PTPRT: variants seen among roughly 807,000 people sequenced by gnomAD.
PTPRT encodes the protein protein tyrosine phosphatase receptor type T.
In PTPRT, 56 loss-of-function variants were observed where a neutral mutation model predicts 176.8. The observed-to-expected ratio is 0.32, with a 90% CI of 0.26 to 0.40. PTPRT has a LOEUF of 0.40. PTPRT is among the 10% of genes least tolerant of loss of function. The pLI is 1.00. For synonymous variants in PTPRT, 783 were observed against 739.0 expected, an observed-to-expected ratio of 1.06 and a Z score of -0.96; for missense variants, 1,540 against 1,908.2, an observed-to-expected ratio of 0.81 and a Z score of 3.60.
chr20:42,732,324 A>G (rs6030447), intron 6 of PTPRT, among the ~76,000 whole-genome samples: 100,247 of 152,136 alleles, frequency 0.66, 34,137 homozygotes, highest in East Asian at 0.91. Flanking sequence ...TCTATAGTAT[A>G]TGCTTGATCA....
chr20:42,368,671 T>C (rs1257007786), intron 9 of PTPRT, among the ~76,000 whole-genome samples: 1 of 152,214 alleles, frequency 6.6e-6, no homozygotes, highest in Non-Finnish European at 1.5e-5. Flanking sequence ...GCTGGGTGTT[T>C]CATGTAGGAG....
chr20:42,637,988 C>T (rs2074645467), intron 7 of PTPRT, among the ~76,000 whole-genome samples: 1 of 152,072 alleles, frequency 6.6e-6, no homozygotes, highest in African/African-American at 2.4e-5. Context: ...TGTATCTACT[C>T]ACAGGAGCCA....
intron 1 of PTPRT, among the ~76,000 whole-genome samples, chr20:43,174,829 C>G (rs1334210293): frequency 6.6e-6 from 1 of 152,082 alleles, no homozygotes; most frequent in East Asian, 1.9e-4. Flanking sequence ...TGAGTAGTGT[C>G]AAATAACAAA....
At chr20:43,085,779 A>C (rs1261974885) in intron 1 of PTPRT, among the ~76,000 whole-genome samples, 1 of 152,216 alleles carries the variant, frequency 6.6e-6, no homozygotes, top group African/African-American at 2.4e-5. Flanking sequence ...TACAGGAGCT[A>C]CAATTCAAGA....
At chr20:43,011,275 G>C (rs997557907) in intron 1 of PTPRT, among the ~76,000 whole-genome samples, 4 of 152,162 alleles carry the variant, frequency 2.6e-5, no homozygotes, top group Non-Finnish European at 5.9e-5. Context: ...AATGGCCAGA[G>C]TCTGTCCTGT....
chr20:42,130,241 T>A (rs561270966), intron 18 of PTPRT, among the ~76,000 whole-genome samples: 1 of 152,150 alleles, frequency 6.6e-6, no homozygotes, highest in Non-Finnish European at 1.5e-5. Context: ...TAGAAGAAAG[T>A]GGAGAAACTC....
chr20:42,289,473 G>A (rs2057284258), intron 12 of PTPRT, among the ~76,000 whole-genome samples: 1 of 151,802 alleles, frequency 6.6e-6, no homozygotes, highest in South Asian at 2.1e-4. Context: ...GTGGGCAAAG[G>A]ACACAAACAG....
chr20:42,338,973 C>CG (rs937282598), intron 11 of PTPRT, among the ~76,000 whole-genome samples: 5 of 152,104 alleles, frequency 3.3e-5, no homozygotes, highest in Non-Finnish European at 7.4e-5. Context: ...AAAACTGGCC[C>CG]GGGGGGACAA....
intron 1 of PTPRT, among the ~76,000 whole-genome samples, chr20:43,082,840 T>C (rs987475582): frequency 1.3e-5 from 2 of 152,100 alleles, no homozygotes; most frequent in Non-Finnish European, 2.9e-5. Flanking sequence ...TCCCAGATAG[T>C]ATCAAAGAGC....
intron 9 of PTPRT, among the ~76,000 whole-genome samples, chr20:42,383,504 G>T (rs1194404388): frequency 6.6e-6 from 1 of 152,152 alleles, no homozygotes; most frequent in African/African-American, 2.4e-5. Context: ...AGTATAAATG[G>T]GAGGACAGGA....
intron 13 of PTPRT, among the ~76,000 whole-genome samples, chr20:42,278,709 A>G (rs2057089620): frequency 6.6e-6 from 1 of 152,188 alleles, no homozygotes. Context: ...GCCAGAGGAC[A>G]TGAATTGAGA....
chr20:42,598,712 A>C (rs1000522748), intron 7 of PTPRT, among the ~76,000 whole-genome samples: 1 of 151,984 alleles, frequency 6.6e-6, no homozygotes, highest in Non-Finnish European at 1.5e-5. Flanking sequence ...AAATAGCCAA[A>C]TGCAGTCTCA....
chr20:42,807,794 T>C (rs2077634029), intron 2 of PTPRT, among the ~76,000 whole-genome samples: 1 of 152,216 alleles, frequency 6.6e-6, no homozygotes. Context: ...ACTAATTATG[T>C]GCCCGCTAAA....
intron 7 of PTPRT, among the ~76,000 whole-genome samples, chr20:42,599,037 G>T (rs1017950415): frequency 6.6e-6 from 1 of 152,180 alleles, no homozygotes; most frequent in African/African-American, 2.4e-5. Context: ...GCAAACTGGA[G>T]GCAGGGAGAC....
intron 1 of PTPRT, among the ~76,000 whole-genome samples, chr20:42,980,422 A>G (rs1983209064): frequency 6.6e-6 from 1 of 152,208 alleles, no homozygotes; most frequent in African/African-American, 2.4e-5. Context: ...TTGCTCTGAC[A>G]TTGTGAATCT....
intron 7 of PTPRT, among the ~76,000 whole-genome samples, chr20:42,579,217 G>A (rs1264187803): frequency 6.6e-6 from 1 of 151,902 alleles, no homozygotes; most frequent in Non-Finnish European, 1.5e-5. Context: ...CTTCATCCAT[G>A]TCCCTACAAA....
intron 27 of PTPRT, among the ~76,000 whole-genome samples, chr20:42,090,155 T>C (rs1446831310): frequency 6.6e-6 from 1 of 152,146 alleles, no homozygotes; most frequent in Admixed American, 6.6e-5. Context: ...GGGATCTGTA[T>C]CTAGCAAGTA....
At chr20:42,039,692 G>GTATATATATA in the PTPRT span, among the ~76,000 whole-genome samples, 2,786 of 113,262 alleles carry the variant, frequency 0.025, 243 homozygotes, top group African/African-American at 0.079. Flanking sequence ...ATTCTGTTGT[G>GTATATATATA]TATATATATA....
chr20:42,227,597 ATTGT>A (rs576366733), intron 15 of PTPRT, among the ~76,000 whole-genome samples: 1,472 of 110,526 alleles, frequency 0.013, 20 homozygotes, highest in African/African-American at 0.049. Context: ...AAAGTCCCTC[ATTGT>A]TTTTTTTTTT....
Sources: gnomAD v4.1 joint callset for allele counts (sites outside exome capture counted in the v4.1 genomes callset) on GRCh38, gnomAD v4.1.1 for gene constraint, MANE v1.5 for transcripts, NCBI Gene and HGNC (gene_info 2026-07-23, HGNC 2026-07-21) for gene names.